Variants in LAMA3 observed in about 807,000 individuals in gnomAD.
LAMA3 encodes the protein laminin subunit alpha-3.
LAMA3 carries 281 observed loss-of-function variants against 402.0 expected under a neutral mutation model. That is an observed-to-expected ratio of 0.70 (90% CI 0.63 to 0.77). The LOEUF is 0.77. Among genes scored for constraint, LAMA3 ranks in the 30% least tolerant of loss-of-function variants. The pLI, the probability that LAMA3 is intolerant of heterozygous loss-of-function variation, is 0.00. For missense variants in LAMA3, 3,840 were observed against 4,215.5 expected, an observed-to-expected ratio of 0.91 and a Z score of 2.47; for synonymous variants, 1,431 against 1,558.4, an observed-to-expected ratio of 0.92 and a Z score of 1.93.
At chr18:23,954,401 TA>T (rs11406615) in intron 74 of LAMA3, 101 bp from the exon 75 acceptor site, 55,963 of 658,432 alleles carry the variant, frequency 0.085, 9 homozygotes, top group East Asian at 0.18. Context: ...GGACCCTGTC[TA>T]AAAAAAAAAA....
chr18:23,943,645 G>A lies in LAMA3; in HGVS notation c.9027-143G>A, dbSNP rs192275582. ...AGCTTTTTAAAGTTTCCAGAGAAAC[G>A]GGTCATTTAATCAGTACCTACGTTA... On this transcript the variant is annotated intron_variant, in intron 68 of 74. Coordinates refer to ENST00000313654, the MANE Select transcript of LAMA3 (RefSeq NM_198129.4). The A allele has an allele frequency of 6.1e-4, 431 of 710,512 alleles. 2 individuals are homozygous for A. The highest frequency in any genetic ancestry group is 1.5e-3 in the Middle Eastern group (4 of 2,606). The allele number at this position is 710,512 out of a possible 1,614,324, so 44.0% of individuals were successfully genotyped here. A position where few individuals can be genotyped will look rare whatever the true frequency, so the allele number is the denominator to read the frequency against.
intron 12 of LAMA3, among the ~76,000 whole-genome samples, chr18:23,792,169 C>G (rs975590871): frequency 2.0e-5 from 3 of 152,172 alleles, no homozygotes; most frequent in South Asian, 2.1e-4. Flanking sequence ...TTCCTCGCCT[C>G]AAAACACATG....
intron 1 of LAMA3, among the ~76,000 whole-genome samples, chr18:23,702,934 A>T (rs986675397): frequency 6.6e-6 from 1 of 152,122 alleles, no homozygotes; most frequent in African/African-American, 2.4e-5. Flanking sequence ...GCTTGTGTCT[A>T]CCTTGTAGAT....
intron 44 of LAMA3, 188 bp from the exon 45 acceptor site, chr18:23,898,550 G>T: frequency 1.6e-6 from 1 of 606,076 alleles, no homozygotes; most frequent in Admixed American, 2.9e-5. Flanking sequence ...CTTTATTTTA[G>T]AGCCATATCA....
chr18:23,737,687 A>T (rs2061498420), intron 2 of LAMA3, among the ~76,000 whole-genome samples: 1 of 152,194 alleles, frequency 6.6e-6, no homozygotes, highest in East Asian at 1.9e-4. Flanking sequence ...TCATCCAGGC[A>T]GGTTACCGGC....
Position 23,864,815 on chromosome 18 carries a change from C to T in LAMA3, c.4615C>T (p.Gln1539Ter). 1 of 1,613,376 alleles carries T rather than the reference C, an allele frequency of 6.2e-7. No individual in the cohort carries two copies. Among genetic ancestry groups the T allele is most frequent in the South Asian group, 1.1e-5 (1 of 91,044 alleles). ...VSSYGGYLTY[Q>*]AKSFGLPGDM... The stretch of plus-strand genomic sequence containing the variant: ...TTCATATGGTGGTTACCTCACTTAC[C>T]AAGCCAAGTCCTTTGGCTTGCCTGG... Residue 1539 changes from glutamine to a stop codon, truncating the protein, a stop_gained, in exon 36 of 75, where the codon CAA (glutamine) becomes TAA (stop). Transcript: ENST00000313654. LOFTEE classifies it high-confidence loss of function.
chr18:23,931,360 C>G (rs1049694071), intron 65 of LAMA3, 159 bp downstream of exon 65: 2 of 678,038 alleles, frequency 2.9e-6, no homozygotes, highest in Non-Finnish European at 5.1e-6. Context: ...TCAATTTCTT[C>G]ATAAAAAAAT....
chr18:23,929,803 A>G (rs930403656), intron 64 of LAMA3, among the ~76,000 whole-genome samples: 5 of 152,216 alleles, frequency 3.3e-5, no homozygotes, highest in African/African-American at 1.2e-4. Context: ...TCTAGCTCTT[A>G]TGATACCTAA....
Position 23,824,582 on chromosome 18 carries a change from A to G in LAMA3, c.2571+17A>G. The G allele has an allele frequency of 1.9e-6, 3 of 1,613,468 alleles. No individual in the cohort carries two copies. In the East Asian group the frequency reaches 6.7e-5, roughly 36 times the overall value. On this transcript the variant is annotated intron_variant, in intron 21 of 74. Coordinates refer to ENST00000313654, the MANE Select transcript of LAMA3 (RefSeq NM_198129.4). ...GTCCTTCTGGTAAGACTTAGTTCTGAATGGAGAGCTCCTGCGGGATTCTTC... is the reference window on the plus strand; with the variant it reads ...GTCCTTCTGGTAAGACTTAGTTCTGGATGGAGAGCTCCTGCGGGATTCTTC...
intron 1 of LAMA3, among the ~76,000 whole-genome samples, chr18:23,697,872 T>A (rs1321603561): frequency 6.6e-6 from 1 of 151,924 alleles, no homozygotes; most frequent in Non-Finnish European, 1.5e-5. Flanking sequence ...GGCTTAGAAG[T>A]CTAAGGCATG....
At position 23,839,881 on chromosome 18, in the gene LAMA3, G is replaced by A. The variant is rs368422951; in HGVS notation, c.3288G>A (p.Ser1096=). The A allele has an allele frequency of 4.3e-5, 70 of 1,614,028 alleles. No homozygotes were observed. In the African/African-American group the frequency reaches 4.4e-4, roughly 10 times the overall value. Residue 1096 remains serine, a synonymous_variant, in exon 27 of 75, where the codon TCG becomes TCA. Coordinates refer to ENST00000313654, the MANE Select transcript of LAMA3 (RefSeq NM_198129.4). This position sits in a 1 kb window ranked among gnomAD's most constrained non-coding sequence, Gnocchi z 4.5. ...CTTTCCCTCACCTGCCCCAGCAGTC[G>A]TCACCTTCTGTTGATGTTCTTCCTG... ...GRPFPHLPQQ[S]SPSVDVLPGV...
intron 8 of LAMA3, among the ~76,000 whole-genome samples, chr18:23,770,137 A>G (rs904068259): frequency 1.3e-5 from 2 of 152,236 alleles, no homozygotes; most frequent in Non-Finnish European, 2.9e-5. Flanking sequence ...AGACAATTCT[A>G]TGATCATAGT....
chr18:23,912,908 G>GA (rs1179100407), intron 56 of LAMA3, 27 bp downstream of exon 56: 2 of 1,601,562 alleles, frequency 1.2e-6, no homozygotes, highest in Non-Finnish European at 1.7e-6. Flanking sequence ...CATCTCTCTT[G>GA]TTTTTGAAAC....
At chr18:23,896,682 G>A (rs980213279) in intron 44 of LAMA3, among the ~76,000 whole-genome samples, 2 of 152,190 alleles carry the variant, frequency 1.3e-5, no homozygotes, top group African/African-American at 4.8e-5. Context: ...AATGCTCATC[G>A]TTGGGTGATG....
intron 8 of LAMA3, among the ~76,000 whole-genome samples, chr18:23,769,554 A>C (rs2062150457): frequency 6.6e-6 from 1 of 152,250 alleles, no homozygotes; most frequent in Non-Finnish European, 1.5e-5. Context: ...TAATGCAAAG[A>C]GGTACAGCTA....
At chr18:23,845,229 C>A (rs1249127680) in intron 30 of LAMA3, 105 bp downstream of exon 30, 2 of 730,738 alleles carry the variant, frequency 2.7e-6, no homozygotes, top group East Asian at 5.3e-5. Flanking sequence ...GTCCTCTTCC[C>A]CGCACTGCCC....
chr18:23,838,567 G>C (rs571992952), intron 25 of LAMA3, among the ~76,000 whole-genome samples: 1 of 152,320 alleles, frequency 6.6e-6, no homozygotes, highest in South Asian at 2.1e-4. Context: ...CAGTAATTCA[G>C]TCAGTAATTC....
chr18:23,836,228 A>T (rs900075921), intron 24 of LAMA3, among the ~76,000 whole-genome samples: 1 of 152,160 alleles, frequency 6.6e-6, no homozygotes, highest in Non-Finnish European at 1.5e-5. Flanking sequence ...TATATAACTT[A>T]TCTCATTTTA....
In LAMA3 at chr18:23,713,870, TA is replaced by T. The variant is rs763444625; in HGVS notation, c.295-43del. ...TGGATAAGAAAAAATTACTTGAAAG[TA>T]AAAAAATAAAAAACAAAAAACAAAA... On this transcript the variant is annotated intron_variant, in intron 1 of 74. Transcript: ENST00000313654. 15 of 1,561,206 alleles carry T rather than the reference TA, an allele frequency of 9.6e-6. No individual in the cohort carries two copies. In the East Asian group the frequency reaches 2.3e-4, roughly 24 times the overall value.
Sources: allele counts gnomAD v4.1 joint callset (sites outside exome capture counted in the v4.1 genomes callset), GRCh38; gene constraint gnomAD v4.1.1; non-coding constraint Gnocchi (gnomAD v3.1); transcripts MANE v1.5; gene names NCBI Gene and HGNC (gene_info 2026-07-23, HGNC 2026-07-21).